Variants in PTCD1 observed in about 807,000 individuals in gnomAD.
PTCD1 encodes pentatricopeptide repeat domain 1, also known as pentatricopeptide repeat-containing protein 1, mitochondrial.
In PTCD1, 50 loss-of-function variants were observed where a neutral mutation model predicts 53.4. The ratio of observed to expected loss-of-function variants is 0.94; its 90% confidence interval spans 0.75 to 1.19. PTCD1 has a LOEUF of 1.19. Ranked by LOEUF, PTCD1 falls within the 50% of genes most tolerant of loss-of-function variation. The pLI is 0.00. For missense variants in PTCD1, 918 were observed against 904.8 expected, an observed-to-expected ratio of 1.01 and a Z score of -0.19; for synonymous variants, 413 against 394.8, an observed-to-expected ratio of 1.05 and a Z score of -0.55.
At chr7:99,437,968 C>G (rs1452006192) in intron 1 of PTCD1, among the ~76,000 whole-genome samples, 3 of 152,150 alleles carry the variant, frequency 2.0e-5, no homozygotes, top group Non-Finnish European at 2.9e-5. Flanking sequence ...CCTGGCCCTG[C>G]ACAAACTGTT....
rs1375634932 is a variant in PTCD1 at position 99,435,127 on chromosome 7, A to G, written c.116T>C (p.Met39Thr). The G allele has an allele frequency of 2.5e-6, 4 of 1,602,654 alleles. No homozygotes were observed. Among genetic ancestry groups the G allele is most frequent in the Admixed American group, 1.7e-5 (1 of 59,818 alleles). The change falls in exon 2 of 8, where the codon ATG becomes ACG. Residue 39 changes from methionine (M) to threonine (T), a missense_variant. Coordinates refer to ENST00000292478, the MANE Select transcript of PTCD1 (RefSeq NM_015545.4). ...GCTGAAGGGCGCCCACATTGGCCGC[A>G]TCAGCCCCTCCCTGCCTCCTGCCCA... ...ARWAGGREGLMRPMWAPFSSS... is the reference protein window; with the variant it reads ...ARWAGGREGLTRPMWAPFSSS...
chr7:99,427,191 C>G (rs1796072335), intron 5 of PTCD1, among the ~76,000 whole-genome samples: 1 of 147,118 alleles, frequency 6.8e-6, no homozygotes, highest in Admixed American at 6.7e-5. Flanking sequence ...GGTGGTCAGC[C>G]CCCTGCCCGG....
intron 7 of PTCD1, among the ~76,000 whole-genome samples, chr7:99,422,761 T>C (rs901713756): frequency 7.9e-5 from 12 of 152,174 alleles, no homozygotes; most frequent in Non-Finnish European, 7.3e-5. Context: ...TTTGTTGCCA[T>C]GTGTACAGTA....
intron 4 of PTCD1, 94 bp downstream of exon 4, chr7:99,429,494 C>A (rs1213890106): frequency 6.4e-7 from 1 of 1,574,400 alleles, no homozygotes; most frequent in Non-Finnish European, 8.7e-7. Context: ...CTCCCTAAGC[C>A]TTCCTACATG....
Position 99,419,185 on chromosome 7 carries a change from G to A in PTCD1, c.*782C>T, listed in dbSNP as rs973540183. 5.0e-6 allele frequency: 3 copies of A among 595,542 alleles called. No homozygotes were observed. Among genetic ancestry groups the A allele is most frequent in the Non-Finnish European group, 6.0e-6 (2 of 332,628 alleles). The allele number at this position is 595,542 out of a possible 1,614,324, so 36.9% of individuals were successfully genotyped here. ...AGAACATATTATAAATAGACATACA[G>A]ATGTAACCTCGGTGTCAACAGCAGC... On this transcript the variant is annotated 3_prime_UTR_variant, in exon 8 of 8. Transcript: ENST00000292478.
chr7:99,425,215 T>G lies in PTCD1; in HGVS notation c.1317A>C (p.Glu439Asp). ...VALKPPPVEL[E>D]VNLLTPGAVP... ...CGGCCCCGGGGGTCAGGAGGTTGAC[T>G]TCCAGCTCCACGGGAGGTGGCTTCA... The change falls in exon 6 of 8, where the codon GAA (glutamate) becomes GAC (aspartate). Residue 439 changes from glutamate (E) to aspartate (D), a missense_variant. Glu to Asp is a conservative substitution (Grantham distance 45). Transcript: ENST00000292478. 6.2e-7 allele frequency: 1 copy of G among 1,612,196 alleles called. No homozygotes were observed. Among genetic ancestry groups the G allele is most frequent in the South Asian group, 1.1e-5 (1 of 91,042 alleles).
Position 99,419,200 on chromosome 7 carries a change from T to C in PTCD1, c.*767A>G. The C allele has an allele frequency of 1.7e-6, 1 of 605,386 alleles. No homozygotes were observed. The highest frequency in any genetic ancestry group is 1.9e-5 in the South Asian group (1 of 51,454). The allele number at this position is 605,386 out of a possible 1,614,324, so 37.5% of individuals were successfully genotyped here. ...TAGACATACAGATGTAACCTCGGTG[T>C]CAACAGCAGCTGGTTCTACCTTCAT... On this transcript the variant is annotated 3_prime_UTR_variant, in exon 8 of 8. Coordinates refer to ENST00000292478, the MANE Select transcript of PTCD1 (RefSeq NM_015545.4).
chr7:99,438,229 G>A (rs1056468386), intron 1 of PTCD1, among the ~76,000 whole-genome samples: 1 of 151,974 alleles, frequency 6.6e-6, no homozygotes, highest in Non-Finnish European at 1.5e-5. Context: ...CCAGGAGTTC[G>A]AGACCAGCCT....
Position 99,438,740 on chromosome 7 carries a change from C to G in PTCD1, c.-75G>C. ...TCCGACGGGGAGCCCTGCCCGGTCC[C>G]CGCGGCGAACCAGTCTCTTCCTCGG... is the stretch of plus-strand genomic sequence containing the variant. On this transcript the variant is annotated 5_prime_UTR_variant, in exon 1 of 8. Coordinates refer to ENST00000292478, the MANE Select transcript of PTCD1 (RefSeq NM_015545.4). 7.6e-7 allele frequency: 1 copy of G among 1,315,822 alleles called. No homozygotes were observed. Among genetic ancestry groups the G allele is most frequent in the South Asian group, 1.2e-5 (1 of 80,618 alleles). 81.5% of individuals were successfully genotyped at this position (1,315,822 alleles called of 1,614,324 possible).
chr7:99,428,000 C>T (rs530303964), intron 5 of PTCD1, among the ~76,000 whole-genome samples: 2 of 150,822 alleles, frequency 1.3e-5, no homozygotes, highest in East Asian at 3.9e-4. Context: ...CTAGGAAAAC[C>T]AGAGACCTTT....
At chr7:99,437,587 G>A (rs1796532889) in intron 1 of PTCD1, among the ~76,000 whole-genome samples, 1 of 152,228 alleles carries the variant, frequency 6.6e-6, no homozygotes, top group Non-Finnish European at 1.5e-5. Context: ...ACAGCCGTGA[G>A]CCACCGCGCC....
chr7:99,435,384 A>T, intron 1 of PTCD1, 116 bp from the exon 2 acceptor site: 1 of 1,349,996 alleles, frequency 7.4e-7, no homozygotes, highest in South Asian at 1.3e-5. Flanking sequence ...CATGCCTGTA[A>T]TCCCAGCACT....
At chr7:99,438,550 C>A in intron 1 of PTCD1, 142 bp downstream of exon 1, 2 of 1,131,342 alleles carry the variant, frequency 1.8e-6, no homozygotes, top group Non-Finnish European at 2.2e-6. Context: ...CCAACGCCGA[C>A]CCCTCTCCAC....
Position 99,425,478 on chromosome 7 carries a change from T to G in PTCD1, c.1054A>C (p.Thr352Pro), listed in dbSNP as rs1403140511. 5 of 1,613,210 alleles carry G rather than the reference T, an allele frequency of 3.1e-6. No homozygotes were observed. Among genetic ancestry groups the G allele is most frequent in the Non-Finnish European group, 3.4e-6 (4 of 1,179,724 alleles). Residue 352 changes from threonine to proline, a missense_variant, in exon 6 of 8, where the codon ACT becomes CCT. Physicochemically the swap from Thr to Pro is conservative, Grantham distance 38 (BLOSUM62 -1). Transcript: ENST00000292478. ...ELLLKPREEATVLQPPVSRQR... is the reference protein window; with the variant it reads ...ELLLKPREEAPVLQPPVSRQR... ...CTGCTCACTGGGGGCTGAAGCACAG[T>G]CGCCTCCTCCCTGGGCTTCAGAAGC...
At chr7:99,433,216 C>T in intron 3 of PTCD1, 62 bp downstream of exon 3, 1 of 1,613,688 alleles carries the variant, frequency 6.2e-7, no homozygotes, top group Non-Finnish European at 8.5e-7. Context: ...GCAAGTGGCA[C>T]ACTTGGGATC....
In PTCD1 at chr7:99,429,594, C is replaced by T. The variant is rs778055649; in HGVS notation, c.807G>A (p.Val269=). 1.9e-6 allele frequency: 3 copies of T among 1,614,222 alleles called. No individual in the cohort carries two copies. The highest frequency in any genetic ancestry group is 2.5e-6 in the Non-Finnish European group (3 of 1,180,048). The change falls in exon 4 of 8, where the codon GTG becomes GTA. Residue 269 remains valine, a synonymous_variant. Coordinates refer to ENST00000292478, the MANE Select transcript of PTCD1 (RefSeq NM_015545.4). The part of the protein sequence containing the change: ...KCADLRMCLD[V]FKEIIHKGHV... ...ACGGCAGGGGAAGCCCCACCTTGAA[C>T]ACATCGAGGCACATCCTAAGGTCTG...
intron 5 of PTCD1, among the ~76,000 whole-genome samples, chr7:99,428,132 T>C (rs962098444): frequency 6.7e-6 from 1 of 150,070 alleles, no homozygotes; most frequent in Non-Finnish European, 1.5e-5. Flanking sequence ...CCGGGCGCGG[T>C]GGCTCACGCC....
In PTCD1 at chr7:99,419,623, C is replaced by T. The variant is rs570316461; in HGVS notation, c.*344G>A. ...AAATCTTTAAATCTCTCGAGCCCCA[C>T]GTCTCTTCTTTCAGAGCATCGGCCT... On this transcript the variant is annotated 3_prime_UTR_variant, in exon 8 of 8. Transcript: ENST00000292478. The T allele has an allele frequency of 4.3e-5, 35 of 815,092 alleles. No homozygotes were observed. In the South Asian group the frequency reaches 4.5e-4, roughly 10 times the overall value. 50.5% of individuals were successfully genotyped at this position (815,092 alleles called of 1,614,324 possible).
chr7:99,426,891 G>A (rs1170311175), intron 5 of PTCD1, among the ~76,000 whole-genome samples: 5 of 149,378 alleles, frequency 3.3e-5, no homozygotes, highest in African/African-American at 5.0e-5. Context: ...GGTGAGGAGC[G>A]TCTCTGCCCG....
Sources: gnomAD v4.1 joint callset for allele counts (sites outside exome capture counted in the v4.1 genomes callset) on GRCh38, gnomAD v4.1.1 for gene constraint, MANE v1.5 for transcripts, NCBI Gene and HGNC (gene_info 2026-07-23, HGNC 2026-07-21) for gene names.